CRYBG1: variants seen among roughly 807,000 people sequenced by gnomAD.
The protein encoded by CRYBG1 is beta/gamma crystallin domain-containing protein 1.
Under a neutral mutation model 189.2 loss-of-function variants are expected in CRYBG1, and 139 were observed. The ratio of observed to expected loss-of-function variants is 0.73; its 90% CI spans 0.64 to 0.85. CRYBG1 has a LOEUF of 0.85. Among genes scored for constraint, CRYBG1 ranks in the 40% least tolerant of loss-of-function variants. The pLI is 0.00. For synonymous variants in CRYBG1, 1,023 were observed against 1,017.1 expected (o/e 1.01, Z -0.11); for missense variants, 2,611 against 2,675.8 (o/e 0.98, Z 0.53).
intron 4 of CRYBG1, among the ~76,000 whole-genome samples, chr6:106,523,965 C>T (rs565877228): frequency 6.6e-6 from 1 of 152,240 alleles, no homozygotes; most frequent in Non-Finnish European, 1.5e-5. Context: ...CTCCTGACCT[C>T]AGGTGATCTG....
intron 2 of CRYBG1, among the ~76,000 whole-genome samples, chr6:106,500,891 T>C (rs1164378232): frequency 6.6e-6 from 1 of 152,200 alleles, no homozygotes; most frequent in Non-Finnish European, 1.5e-5. Context: ...AGACAGGCCT[T>C]TGTTTCTATC....
chr6:106,555,180 AAAG>A, intron 16 of CRYBG1, among the ~76,000 whole-genome samples: 1 of 73,564 alleles, frequency 1.4e-5, no homozygotes, highest in East Asian at 4.0e-4. Context: ...CACCAAAAGA[AAAG>A]AAAAAAAGGA....
chr6:106,557,923 C>T (rs1216648554), intron 17 of CRYBG1, among the ~76,000 whole-genome samples: 11 of 152,144 alleles, frequency 7.2e-5, no homozygotes, highest in Non-Finnish European at 1.3e-4. Context: ...AGCTTCCATC[C>T]TGTTGTTTTT....
intron 1 of CRYBG1, among the ~76,000 whole-genome samples, chr6:106,398,456 A>C (rs537124175): frequency 4.6e-5 from 7 of 152,222 alleles, no homozygotes; most frequent in African/African-American, 1.7e-4. Context: ...AAAATAAATA[A>C]ATAAATAAAT....
intron 1 of CRYBG1, among the ~76,000 whole-genome samples, chr6:106,387,891 C>T (rs1349076853): frequency 6.6e-5 from 10 of 152,206 alleles, no homozygotes; most frequent in African/African-American, 2.4e-4. Flanking sequence ...CGTGAATTCT[C>T]AGGTGCTCTA....
intron 1 of CRYBG1, among the ~76,000 whole-genome samples, chr6:106,427,039 T>C (rs1582756208): frequency 1.3e-5 from 2 of 152,252 alleles, no homozygotes; most frequent in East Asian, 1.9e-4. Context: ...CTCCATGAAC[T>C]CTCTTTTTGC....
intron 1 of CRYBG1, among the ~76,000 whole-genome samples, chr6:106,437,493 G>A (rs576841188): frequency 5.3e-5 from 8 of 152,088 alleles, no homozygotes; most frequent in Non-Finnish European, 1.2e-4. Context: ...CTGGAGTACA[G>A]AGGTACAATG....
At chr6:106,475,853 G>A (rs1346765808) in intron 2 of CRYBG1, among the ~76,000 whole-genome samples, 3 of 152,134 alleles carry the variant, frequency 2.0e-5, no homozygotes, top group Non-Finnish European at 2.9e-5. Flanking sequence ...AGAGGCCAAG[G>A]ATCTGACATT....
At chr6:106,531,132 T>C (rs188168704) in intron 8 of CRYBG1, among the ~76,000 whole-genome samples, 3 of 152,344 alleles carry the variant, frequency 2.0e-5, no homozygotes, top group Admixed American at 6.5e-5. Context: ...GGAGTATCTC[T>C]GCAGTGAACA....
intron 2 of CRYBG1, among the ~76,000 whole-genome samples, chr6:106,504,238 G>A (rs1437394859): frequency 1.3e-5 from 2 of 152,164 alleles, no homozygotes; most frequent in Non-Finnish European, 2.9e-5. Flanking sequence ...TGACATCGGA[G>A]AAGAAGGTTC....
chr6:106,452,190 T>C (rs1771795126), intron 2 of CRYBG1, among the ~76,000 whole-genome samples: 1 of 147,466 alleles, frequency 6.8e-6, no homozygotes, highest in South Asian at 2.1e-4. Context: ...GCGGATCACT[T>C]GAGGTCAGGA....
chr6:106,465,372 G>T (rs1246331953), intron 2 of CRYBG1, among the ~76,000 whole-genome samples: 6 of 152,166 alleles, frequency 3.9e-5, no homozygotes, highest in Non-Finnish European at 8.8e-5. Context: ...TCCTTTCTGG[G>T]CATCAGCTTT....
intron 1 of CRYBG1, among the ~76,000 whole-genome samples, chr6:106,376,045 A>G (rs558886001): frequency 6.6e-6 from 1 of 152,310 alleles, no homozygotes; most frequent in South Asian, 2.1e-4. Context: ...ACATTTTTGG[A>G]CCACGGTTGA....
intron 3 of CRYBG1, among the ~76,000 whole-genome samples, chr6:106,517,469 C>T (rs1773466628): frequency 2.0e-5 from 3 of 147,760 alleles, no homozygotes; most frequent in South Asian, 2.1e-4. Context: ...TATATACACA[C>T]ACACATATAT....
At chr6:106,407,666 TAACA>T (rs1770851539) in intron 1 of CRYBG1, among the ~76,000 whole-genome samples, 2 of 152,228 alleles carry the variant, frequency 1.3e-5, no homozygotes, top group Admixed American at 6.5e-5. Flanking sequence ...ATGGAAATCA[TAACA>T]AACAGTCTCT....
intron 1 of CRYBG1, among the ~76,000 whole-genome samples, chr6:106,440,965 CT>C (rs1270925561): frequency 1.3e-5 from 2 of 152,126 alleles, no homozygotes; most frequent in African/African-American, 4.8e-5. Flanking sequence ...ATGTCCTTTT[CT>C]TTTTGCTGTA....
chr6:106,436,391 C>CTG (rs1771458695), intron 1 of CRYBG1, among the ~76,000 whole-genome samples: 1 of 151,814 alleles, frequency 6.6e-6, no homozygotes, highest in Non-Finnish European at 1.5e-5. Context: ...CTCCGCCTCC[C>CTG]GGGTTCACTC....
rs1169721712 is a variant in CRYBG1 at position 106,520,486 on chromosome 6, G to A, written c.3278G>A (p.Gly1093Asp). 15 of 1,614,038 alleles carry A rather than the reference G, an allele frequency of 9.3e-6. No individual in the cohort carries two copies. Among genetic ancestry groups the A allele is most frequent in the Non-Finnish European group, 1.2e-5 (14 of 1,180,038 alleles). The change falls in exon 4 of 22, where the codon GGT becomes GAT. Residue 1093 changes from glycine (G) to aspartate (D), a missense_variant. Physicochemically the swap from Gly to Asp is moderately conservative, Grantham distance 94. Transcript: ENST00000633556. ...SPASLLNISA[G>D]SDDSVFDSSS... is the part of the protein sequence containing the mutation. The stretch of plus-strand genomic sequence containing the variant: ...GCCAGCCTTTTGAACATTTCTGCTG[G>A]TAGTGATGATAGTGTATTTGATTCT...
chr6:106,391,362 G>A lies in CRYBG1; in HGVS notation c.173+30281G>A, dbSNP rs575654292. On this transcript the variant is annotated intron_variant, in intron 1 of 21. Coordinates refer to ENST00000633556, the MANE Select transcript of CRYBG1 (RefSeq NM_001371242.2). ...CTCCCAAAGTGCTGGGATTACAGGCGTGAGCCACCGTGTCCATCCAGTTCT... is the reference window on the plus strand; with the variant it reads ...CTCCCAAAGTGCTGGGATTACAGGCATGAGCCACCGTGTCCATCCAGTTCT... Among the ~76,000 whole-genome samples the A allele has an allele frequency of 7.2e-5, 11 of 152,264 alleles. No individual in the cohort carries two copies. The East Asian group carries it at 1.2e-3, about 16-fold the overall frequency.
Sources: gnomAD v4.1 joint callset for allele counts (sites outside exome capture counted in the v4.1 genomes callset) on GRCh38, gnomAD v4.1.1 for gene constraint, MANE v1.5 for transcripts, NCBI Gene and HGNC (gene_info 2026-07-23, HGNC 2026-07-21) for gene names.